TM9SF2: variants seen among roughly 807,000 people sequenced by gnomAD.
TM9SF2 encodes transmembrane 9 superfamily member 2.
Under a neutral mutation model 84.9 loss-of-function variants are expected in TM9SF2, and 13 were observed. The observed-to-expected ratio is 0.15, with a 90% CI of 0.10 to 0.24. The LOEUF (loss-of-function observed/expected upper bound fraction) is 0.24, where lower values mean the gene tolerates loss of function less well. TM9SF2 is among the 10% of genes least tolerant of loss of function. TM9SF2 has a pLI of 1.00. For synonymous variants in TM9SF2, 273 were observed against 285.8 expected, an observed-to-expected ratio of 0.96 and a Z score of 0.45; for missense variants, 562 against 818.5, an observed-to-expected ratio of 0.69 and a Z score of 3.82.
intron 1 of TM9SF2, 47 bp from the exon 2 acceptor site, chr13:99,517,567 T>A (rs1043110932): frequency 1.8e-5 from 23 of 1,288,102 alleles, no homozygotes; most frequent in Non-Finnish European, 2.5e-5. Flanking sequence ...ACTTAAGGCT[T>A]TGTGTCCTGT....
At chr13:99,527,274 G>A (rs2139085869) in intron 3 of TM9SF2, among the ~76,000 whole-genome samples, 1 of 152,300 alleles carries the variant, frequency 6.6e-6, no homozygotes, top group Non-Finnish European at 1.5e-5. Flanking sequence ...TGACGCTGCT[G>A]TGAAGAAATA....
chr13:99,549,739 T>A (rs1469248526), intron 12 of TM9SF2, among the ~76,000 whole-genome samples: 1 of 152,156 alleles, frequency 6.6e-6, no homozygotes, highest in Non-Finnish European at 1.5e-5. Context: ...TCTGATGCGG[T>A]TCTGGTCCTA....
chr13:99,556,955 G>T (rs1280358826), intron 15 of TM9SF2, among the ~76,000 whole-genome samples: 10 of 152,122 alleles, frequency 6.6e-5, no homozygotes, highest in Non-Finnish European at 1.5e-4. Flanking sequence ...CATTTGTATT[G>T]TTTCTACTTT....
At position 99,562,916 on chromosome 13, in the gene TM9SF2, C is replaced by A; in HGVS notation, c.*158C>A. The A allele has an allele frequency of 1.7e-6, 1 of 601,688 alleles. No individual in the cohort carries two copies. The allele number at this position is 601,688 out of a possible 1,614,324, so 37.3% of individuals were successfully genotyped here. ...TAAACCTCTTCCCATACACCTTTCC[C>A]CCATAAGATGTGTCTTCAACACTAT... On this transcript the variant is annotated 3_prime_UTR_variant, in exon 17 of 17. Transcript: ENST00000376387.
At chr13:99,517,503 A>G in intron 1 of TM9SF2, 111 bp from the exon 2 acceptor site, 1 of 616,768 alleles carries the variant, frequency 1.6e-6, no homozygotes, top group East Asian at 3.2e-5. Flanking sequence ...GTTGACTGGA[A>G]TTATAACATT....
intron 1 of TM9SF2, among the ~76,000 whole-genome samples, chr13:99,512,275 ACTGTTTTCTATTTTATT>A (rs2046116706): frequency 6.6e-6 from 1 of 152,194 alleles, no homozygotes; most frequent in Non-Finnish European, 1.5e-5. Context: ...TTCTGCGTGT[ACTGTTTTCTATTTTATT>A]ATGATATCAT....
At chr13:99,541,533 T>C in intron 8 of TM9SF2, 26 bp from the exon 9 acceptor site, 2 of 1,511,756 alleles carry the variant, frequency 1.3e-6, no homozygotes, top group Non-Finnish European at 1.8e-6. Flanking sequence ...AGCTACAGAT[T>C]ACTCATGATG....
chr13:99,556,724 C>T (rs911870655), intron 15 of TM9SF2, among the ~76,000 whole-genome samples: 7 of 152,264 alleles, frequency 4.6e-5, no homozygotes, highest in Admixed American at 2.0e-4. Context: ...GCTGGGACTA[C>T]AGGCGCCTGC....
intron 16 of TM9SF2, among the ~76,000 whole-genome samples, chr13:99,560,914 C>T (rs116485680): frequency 0.01 from 1,581 of 152,300 alleles, 29 homozygotes; most frequent in African/African-American, 0.036. Flanking sequence ...AACCCCTGAC[C>T]TCAGACGATC....
chr13:99,512,386 G>C (rs1336544173), intron 1 of TM9SF2, among the ~76,000 whole-genome samples: 1 of 152,182 alleles, frequency 6.6e-6, no homozygotes, highest in African/African-American at 2.4e-5. Flanking sequence ...CCAGCATTCT[G>C]ATGATACATT....
At chr13:99,501,986 G>A (rs2046068284) in intron 1 of TM9SF2, among the ~76,000 whole-genome samples, 2 of 152,222 alleles carry the variant, frequency 1.3e-5, no homozygotes, top group African/African-American at 4.8e-5. Flanking sequence ...GACGCAGTGG[G>A]CCTCAGACTC....
chr13:99,552,456 A>G (rs2046309114), intron 13 of TM9SF2, 130 bp downstream of exon 13: 1 of 951,874 alleles, frequency 1.1e-6, no homozygotes, highest in Admixed American at 2.8e-5. Flanking sequence ...TTCATAGAAT[A>G]TTTTTAAAAT....
chr13:99,531,499 CA>C lies in TM9SF2; in HGVS notation c.461+1907del, dbSNP rs528399378. ...AGTTTTCCTCCTCCTCCACCCCACCCAACCCCCATATGCATAGAACCCTGGG... is the reference window on the plus strand; with the variant it reads ...AGTTTTCCTCCTCCTCCACCCCACCCACCCCCATATGCATAGAACCCTGGG... On this transcript the variant is annotated intron_variant, in intron 4 of 16. Transcript: ENST00000376387. Among the ~76,000 whole-genome samples the C allele has an allele frequency of 2.7e-4, 41 of 152,156 alleles. 1 individual carries two copies. The highest frequency in any genetic ancestry group is 5.0e-4 in the Non-Finnish European group (34 of 68,032).
chr13:99,501,758 A>G lies in TM9SF2; in HGVS notation c.152A>G (p.Lys51Arg). The G allele has an allele frequency of 6.2e-7, 1 of 1,611,416 alleles. No individual in the cohort carries two copies. The highest frequency in any genetic ancestry group is 8.5e-7 in the Non-Finnish European group (1 of 1,179,460). Residue 51 changes from lysine (K) to arginine (R), a missense_variant, in exon 1 of 17, where the codon AAA becomes AGA. By Grantham distance (26) the Lys-to-Arg change is conservative. Coordinates refer to ENST00000376387, the MANE Select transcript of TM9SF2 (RefSeq NM_004800.3). ...LAPVNFCDEE[K>R]KSDECKAEIE... Reference sequence around the variant, plus strand: ...CCCGTCAACTTCTGCGACGAAGAAAAAAAGAGCGACGAGTGCAAGGTGGGT... The same window carrying G: ...CCCGTCAACTTCTGCGACGAAGAAAGAAAGAGCGACGAGTGCAAGGTGGGT...
At chr13:99,528,846 G>A (rs2046195555) in intron 3 of TM9SF2, among the ~76,000 whole-genome samples, 1 of 152,154 alleles carries the variant, frequency 6.6e-6, no homozygotes, top group Non-Finnish European at 1.5e-5. Context: ...AGAGTGGGCT[G>A]CTTAGAAGTG....
At chr13:99,553,032 A>G (rs765827950) in intron 13 of TM9SF2, among the ~76,000 whole-genome samples, 2 of 152,246 alleles carry the variant, frequency 1.3e-5, no homozygotes, top group African/African-American at 2.4e-5. Context: ...TTTAAGGAAG[A>G]TTATAATCAG....
At chr13:99,522,318 G>A (rs2046164401) in intron 3 of TM9SF2, among the ~76,000 whole-genome samples, 1 of 152,138 alleles carries the variant, frequency 6.6e-6, no homozygotes, top group African/African-American at 2.4e-5. Context: ...ACCATGCCCG[G>A]CCCCTTTCAA....
At chr13:99,560,309 TC>T (rs2046339307) in intron 16 of TM9SF2, among the ~76,000 whole-genome samples, 1 of 152,184 alleles carries the variant, frequency 6.6e-6, no homozygotes, top group Admixed American at 6.5e-5. Flanking sequence ...TTTTCACTCA[TC>T]TGTTAGCATT....
At chr13:99,544,782 G>A (rs375381365) in intron 10 of TM9SF2, among the ~76,000 whole-genome samples, 8 of 152,274 alleles carry the variant, frequency 5.3e-5, no homozygotes, top group African/African-American at 1.9e-4. Flanking sequence ...GAGTGTGTAG[G>A]AAAGACCTTC....
Sources: allele counts gnomAD v4.1 joint callset (sites outside exome capture counted in the v4.1 genomes callset), GRCh38; gene constraint gnomAD v4.1.1; transcripts MANE v1.5; gene names NCBI Gene and HGNC (gene_info 2026-07-23, HGNC 2026-07-21).